The following LPP variants were observed in gnomAD, a reference collection of about 807,000 sequenced individuals.
LPP encodes the protein lipoma-preferred partner.
Under a neutral mutation model 60.4 loss-of-function variants are expected in LPP, and 38 were observed. That is an observed-to-expected ratio of 0.63 (90% CI 0.49 to 0.83). The LOEUF is 0.83. Ranked by LOEUF, LPP falls within the 40% of genes least tolerant of loss-of-function variation. The pLI, the probability that LPP is intolerant of heterozygous loss-of-function variation, is 0.00. For synonymous variants in LPP, 328 were observed against 290.8 expected (o/e 1.13, Z -1.30); for missense variants, 902 against 783.6 (o/e 1.15, Z -1.80).
chr3:188,370,367 G>A (rs1245381909), intron 3 of LPP, among the ~76,000 whole-genome samples: 1 of 152,200 alleles, frequency 6.6e-6, no homozygotes. Flanking sequence ...CGTTGCTCTT[G>A]TGCCCTGGAG....
chr3:188,153,590 C>G (rs1389651196), upstream of LPP: 1 of 152,462 alleles, frequency 6.6e-6, no homozygotes, highest in Non-Finnish European at 1.5e-5. Context: ...CTCCCTCTTT[C>G]TCTTCCTCCT....
At chr3:188,557,986 T>C (rs1829870021) in intron 6 of LPP, among the ~76,000 whole-genome samples, 1 of 150,678 alleles carries the variant, frequency 6.6e-6, no homozygotes, top group African/African-American at 2.4e-5. Flanking sequence ...AGAAAGAGAA[T>C]GGATGTTATC....
chr3:188,344,517 T>G (rs576872704), intron 3 of LPP, among the ~76,000 whole-genome samples: 41 of 152,314 alleles, frequency 2.7e-4, no homozygotes, highest in Middle Eastern at 3.4e-3. Context: ...CATCATCTAA[T>G]GACAAAGTTG....
At chr3:188,628,684 G>A (rs1209295784) in intron 7 of LPP, among the ~76,000 whole-genome samples, 1 of 152,048 alleles carries the variant, frequency 6.6e-6, no homozygotes, top group Non-Finnish European at 1.5e-5. Flanking sequence ...AATAAGACTT[G>A]CTGGTACCAA....
chr3:188,481,263 C>A (rs2149628936), intron 4 of LPP, among the ~76,000 whole-genome samples: 1 of 152,290 alleles, frequency 6.6e-6, no homozygotes, highest in South Asian at 2.1e-4. Context: ...TTTGCCCGTT[C>A]CTCTACATCT....
intron 9 of LPP, among the ~76,000 whole-genome samples, chr3:188,848,050 C>T (rs969898635): frequency 3.3e-5 from 5 of 152,178 alleles, no homozygotes; most frequent in Non-Finnish European, 5.9e-5. Context: ...CATCCTCATC[C>T]TTGCCTTGAG....
intron 5 of LPP, among the ~76,000 whole-genome samples, chr3:188,505,869 T>C (rs6807158): frequency 0.94 from 143,230 of 152,254 alleles, 67,493 homozygotes; most frequent in East Asian, 1. Flanking sequence ...TTTTCTTCCT[T>C]TGGCTTTTCC....
In LPP at chr3:188,609,483, A is replaced by G. The variant is rs561303530; in HGVS notation, c.752A>G (p.Tyr251Cys). ...GQIYGSGPQGYNTQPVPVSGQ... is the reference protein window; with the variant it reads ...GQIYGSGPQGCNTQPVPVSGQ... Reference sequence around the variant, plus strand: ...ATTTATGGCTCAGGGCCCCAGGGCTATAACACTCAGCCAGTTCCTGTCTCT... The same window carrying G: ...ATTTATGGCTCAGGGCCCCAGGGCTGTAACACTCAGCCAGTTCCTGTCTCT... The change falls in exon 7 of 12, where the codon TAT becomes TGT. Residue 251 changes from tyrosine (Y) to cysteine (C), a missense_variant. Coordinates refer to ENST00000617246, the MANE Select transcript of LPP (RefSeq NM_001375462.1). The surrounding 1 kb of genome is among the most constrained non-coding windows in gnomAD (Gnocchi z 6.9). The G allele has an allele frequency of 2.6e-5, 42 of 1,614,182 alleles. 1 individual carries two copies. The highest frequency in any genetic ancestry group is 2.2e-4 in the East Asian group (10 of 44,872).
chr3:188,771,623 C>T (rs1424189557), intron 9 of LPP, among the ~76,000 whole-genome samples: 1 of 150,966 alleles, frequency 6.6e-6, no homozygotes, highest in Non-Finnish European at 1.5e-5. Flanking sequence ...AATGAAAGTA[C>T]TGTTTCTTAG....
At chr3:188,771,902 G>T (rs1475598211) in intron 9 of LPP, among the ~76,000 whole-genome samples, 1 of 152,162 alleles carries the variant, frequency 6.6e-6, no homozygotes, top group Non-Finnish European at 1.5e-5. Context: ...TAGGAGCTCG[G>T]TTTTCTCAAA....
intron 9 of LPP, among the ~76,000 whole-genome samples, chr3:188,818,061 T>C (rs908081889): frequency 6.6e-6 from 1 of 152,160 alleles, no homozygotes; most frequent in Non-Finnish European, 1.5e-5. Flanking sequence ...AGTTACTAAC[T>C]TCAGGCTTAC....
chr3:188,888,668 G>A lies in LPP; in HGVS notation c.*14189G>A. On this transcript the variant is annotated 3_prime_UTR_variant, in exon 12 of 12. Coordinates refer to ENST00000617246, the MANE Select transcript of LPP (RefSeq NM_001375462.1). ...TAAACGTTATTCCTTACATATGTATGTACACACGGTACCCAGAGTCGTACT... is the reference window on the plus strand; with the variant it reads ...TAAACGTTATTCCTTACATATGTATATACACACGGTACCCAGAGTCGTACT... 4.5e-6 allele frequency: 1 copy of A among 221,082 alleles called. No homozygotes were observed. Among genetic ancestry groups the A allele is most frequent in the Non-Finnish European group, 9.1e-6 (1 of 110,390 alleles). 13.7% of individuals were successfully genotyped at this position (221,082 alleles called of 1,614,324 possible).
At chr3:188,260,497 T>G (rs1474869913) in intron 2 of LPP, among the ~76,000 whole-genome samples, 2 of 152,094 alleles carry the variant, frequency 1.3e-5, no homozygotes, top group Admixed American at 6.5e-5. Context: ...TTTATTATTA[T>G]TATTATTATT....
At chr3:188,154,376 C>T (rs978824180) in intron 1 of LPP, among the ~76,000 whole-genome samples, 124 bp downstream of exon 1, 1 of 152,096 alleles carries the variant, frequency 6.6e-6, no homozygotes, top group African/African-American at 2.4e-5. Context: ...CCTGCTCTGG[C>T]CTGGCCCGCT....
At chr3:188,351,952 C>T (rs1466009718) in intron 3 of LPP, among the ~76,000 whole-genome samples, 1 of 152,202 alleles carries the variant, frequency 6.6e-6, no homozygotes, top group Non-Finnish European at 1.5e-5. Flanking sequence ...GTGCCTCGTT[C>T]TTGAGTGTCT....
intron 9 of LPP, among the ~76,000 whole-genome samples, chr3:188,783,663 GC>G (rs1740556722): frequency 6.6e-6 from 1 of 151,892 alleles, no homozygotes; most frequent in South Asian, 2.1e-4. Flanking sequence ...ACATGAGTTT[GC>G]CTATGTGACT....
chr3:188,428,923 T>C (rs1790199007), intron 4 of LPP, among the ~76,000 whole-genome samples: 1 of 152,148 alleles, frequency 6.6e-6, no homozygotes, highest in Non-Finnish European at 1.5e-5. Context: ...AAGAACAACC[T>C]GATCACGTCT....
In LPP at chr3:188,429,662, G is replaced by A. The variant is rs144580111; in HGVS notation, c.193+23349G>A. ...CAATTCATCTTGCTTATATGAGCCCGTCTTCCCTTTCATAATAGAGATATG... is the reference window on the plus strand; with the variant it reads ...CAATTCATCTTGCTTATATGAGCCCATCTTCCCTTTCATAATAGAGATATG... On this transcript the variant is annotated intron_variant, in intron 4 of 11. Coordinates refer to ENST00000617246, the MANE Select transcript of LPP (RefSeq NM_001375462.1). 5.1e-3 allele frequency among the ~76,000 whole-genome samples: 778 copies of A among 152,166 alleles called. 5 individuals carry two copies. The highest frequency in any genetic ancestry group is 0.018 in the African/African-American group (742 of 41,522).
intron 9 of LPP, among the ~76,000 whole-genome samples, chr3:188,836,283 C>T (rs1758429130): frequency 6.6e-6 from 1 of 152,200 alleles, no homozygotes; most frequent in Admixed American, 6.5e-5. Flanking sequence ...AGATTATTCC[C>T]TTTAGTCTGT....
Sources: gnomAD v4.1 joint callset for allele counts (sites outside exome capture counted in the v4.1 genomes callset) on GRCh38, gnomAD v4.1.1 for gene constraint, Gnocchi (gnomAD v3.1) non-coding constraint, MANE v1.5 for transcripts, NCBI Gene and HGNC (gene_info 2026-07-23, HGNC 2026-07-21) for gene names.